DLGAP2: variants seen among roughly 807,000 people sequenced by gnomAD.
DLGAP2 encodes disks large-associated protein 2.
In DLGAP2, 26 loss-of-function variants were observed where a neutral mutation model predicts 100.3. That is an observed-to-expected ratio of 0.26 (90% confidence interval 0.19 to 0.36). DLGAP2 has a LOEUF of 0.36. Ranked by LOEUF, DLGAP2 falls within the 10% of genes least tolerant of loss-of-function variation. The pLI, the probability that DLGAP2 is intolerant of heterozygous loss-of-function variation, is 1.00. For synonymous variants in DLGAP2, 886 were observed against 630.1 expected (o/e 1.41, Z -6.08); for missense variants, 1,858 against 1,453.2 (o/e 1.28, Z -4.53).
rs535266973 is a variant in DLGAP2, at chr8:1,708,433, A to T, written c.*7027A>T. The T allele has an allele frequency of 6.6e-6, 1 of 152,256 alleles. No individual in the cohort carries two copies. The highest frequency in any genetic ancestry group is 2.4e-5 in the African/African-American group (1 of 41,462). The allele number at this position is 152,256 out of a possible 1,614,324, so 9.4% of individuals were successfully genotyped here. On this transcript the variant is annotated 3_prime_UTR_variant, in exon 15 of 15. Transcript: ENST00000637795. ...TTAATATGTATGCAAAATGGTATAG[A>T]TTAAATGAGTTTTTAATTAATAAAT...
chr8:1,106,648 G>A (rs938452095), intron 2 of DLGAP2, among the ~76,000 whole-genome samples: 5 of 150,458 alleles, frequency 3.3e-5, no homozygotes, highest in African/African-American at 9.7e-5. Flanking sequence ...ATTCTAGGAT[G>A]GTTTTCTATT....
rs576671805 is a variant in DLGAP2, at chr8:763,598, A to G, written c.18+25773A>G. Among the ~76,000 whole-genome samples the G allele has an allele frequency of 4.0e-3, 603 of 152,310 alleles. 1 individual carries two copies. The highest frequency in any genetic ancestry group is 0.014 in the African/African-American group (577 of 41,568). On this transcript the variant is annotated intron_variant, in intron 1 of 14. Coordinates refer to ENST00000637795, the MANE Select transcript of DLGAP2 (RefSeq NM_001346810.2). The stretch of plus-strand genomic sequence containing the variant: ...CAATTTATGATGGAAACACATGATG[A>G]GTGGCAGACGTTAGGCAGGTGAGCA...
intron 1 of DLGAP2, among the ~76,000 whole-genome samples, chr8:905,040 G>A (rs911693565): frequency 5.3e-5 from 8 of 152,168 alleles, no homozygotes; most frequent in Non-Finnish European, 1.0e-4. Context: ...CTGTGACTGT[G>A]GCGGGTAGAA....
At chr8:1,088,426 C>A (rs1804049345) in intron 2 of DLGAP2, among the ~76,000 whole-genome samples, 1 of 152,142 alleles carries the variant, frequency 6.6e-6, no homozygotes, top group Non-Finnish European at 1.5e-5. Flanking sequence ...TGATTTCCAT[C>A]TTCTATGGCA....
At chr8:744,006 C>G (rs1820551347) in intron 1 of DLGAP2, among the ~76,000 whole-genome samples, 1 of 152,254 alleles carries the variant, frequency 6.6e-6, no homozygotes, top group African/African-American at 2.4e-5. Flanking sequence ...TTTCACGTGC[C>G]TTCACGTTTC....
At chr8:918,146 G>A (rs140117557) in intron 2 of DLGAP2, among the ~76,000 whole-genome samples, 149 of 152,240 alleles carry the variant, frequency 9.8e-4, no homozygotes, top group Admixed American at 1.9e-3. Flanking sequence ...TCTCAACCTC[G>A]TCTGAATTCC....
intron 3 of DLGAP2, among the ~76,000 whole-genome samples, chr8:1,445,391 C>A (rs1037586924): frequency 6.6e-6 from 1 of 151,782 alleles, no homozygotes; most frequent in Non-Finnish European, 1.5e-5. Context: ...TTTCCAGTTT[C>A]ATCCATGTCC....
At chr8:1,043,592 A>G (rs1260620404) in intron 2 of DLGAP2, among the ~76,000 whole-genome samples, 3 of 151,862 alleles carry the variant, frequency 2.0e-5, no homozygotes, top group African/African-American at 7.3e-5. Flanking sequence ...GGTGAGTGAT[A>G]ACGAAAACTA....
rs1194440969 is a variant in DLGAP2, at chr8:1,683,854, A to ATGTGTG, written c.2704+5226_2704+5227insGTGTGT. Among the ~76,000 whole-genome samples the ATGTGTG allele has an allele frequency of 2.7e-5, 2 of 72,948 alleles. 1 individual carries two copies. The highest frequency in any genetic ancestry group is 3.0e-4 in the Admixed American group (2 of 6,696). The allele number at this position is 72,948 out of a possible 152,430, so 47.9% of individuals were successfully genotyped here. ...CTCCACTATATATATATATATATAT[A>ATGTGTG]TATGTGTGTGTGTGTGTGTGTGTGT... On this transcript the variant is annotated intron_variant, in intron 12 of 14. Coordinates refer to ENST00000637795, the MANE Select transcript of DLGAP2 (RefSeq NM_001346810.2).
intron 2 of DLGAP2, among the ~76,000 whole-genome samples, chr8:1,176,844 C>T (rs560960909): frequency 6.6e-6 from 1 of 152,238 alleles, no homozygotes; most frequent in African/African-American, 2.4e-5. Context: ...TGGCTTCTTT[C>T]CACCCTCTCA....
intron 4 of DLGAP2, among the ~76,000 whole-genome samples, chr8:1,507,884 G>A (rs1412609025): frequency 7.5e-6 from 1 of 133,602 alleles, no homozygotes; most frequent in Non-Finnish European, 1.5e-5. Flanking sequence ...CTTCAGCCTT[G>A]ACCTTCCTGC....
At chr8:966,635 C>G (rs983666310) in intron 2 of DLGAP2, among the ~76,000 whole-genome samples, 1 of 138,996 alleles carries the variant, frequency 7.2e-6, no homozygotes, top group Non-Finnish European at 1.6e-5. Context: ...CCTTCTTTTT[C>G]CCTCTAACAA....
At chr8:1,000,080 A>G (rs1584960475) in intron 2 of DLGAP2, among the ~76,000 whole-genome samples, 2 of 133,884 alleles carry the variant, frequency 1.5e-5, no homozygotes, top group African/African-American at 2.9e-5. Flanking sequence ...ATCCGGGTGG[A>G]GGTGGTTTTC....
At chr8:1,426,989 CTA>C (rs1252442520) in intron 3 of DLGAP2, among the ~76,000 whole-genome samples, 1 of 152,100 alleles carries the variant, frequency 6.6e-6, no homozygotes, top group African/African-American at 2.4e-5. Flanking sequence ...CAATTAAAAA[CTA>C]TGAGTGCTTA....
intron 3 of DLGAP2, among the ~76,000 whole-genome samples, chr8:1,278,375 C>A (rs573640743): frequency 6.6e-6 from 1 of 152,172 alleles, no homozygotes; most frequent in Non-Finnish European, 1.5e-5. Flanking sequence ...ATGTCATCGG[C>A]GCAGTCGTGA....
intron 1 of DLGAP2, among the ~76,000 whole-genome samples, chr8:828,667 A>T (rs550407754): frequency 9.9e-5 from 15 of 152,242 alleles, no homozygotes; most frequent in African/African-American, 3.6e-4. Context: ...AAAGACAGGC[A>T]TAGGAAATCA....
chr8:918,911 C>G (rs904994253), intron 2 of DLGAP2, among the ~76,000 whole-genome samples: 2 of 152,144 alleles, frequency 1.3e-5, no homozygotes, highest in Non-Finnish European at 2.9e-5. Flanking sequence ...GAAGACTGAG[C>G]TTTCAGTGCT....
intron 1 of DLGAP2, among the ~76,000 whole-genome samples, chr8:901,648 G>A (rs189800608): frequency 6.6e-6 from 1 of 152,294 alleles, no homozygotes; most frequent in East Asian, 1.9e-4. Context: ...AGTTGTGCAG[G>A]GAGGGTTTGG....
chr8:1,462,240 G>A lies in DLGAP2; in HGVS notation c.107-39126G>A, dbSNP rs1201694534. Among the ~76,000 whole-genome samples, 2 of 83,532 alleles carry A rather than the reference G, an allele frequency of 2.4e-5. 1 individual carries two copies. Among genetic ancestry groups the A allele is most frequent in the East Asian group, 2.7e-3 (2 of 746 alleles). The allele number at this position is 83,532 out of a possible 152,430, so 54.8% of individuals were successfully genotyped here. ...GGGAGAAGGGTGGCGTTCAGGTTGG[G>A]AGAAGGTGCTGCTGTCACAGGACTG... On this transcript the variant is annotated intron_variant, in intron 3 of 14. Coordinates refer to ENST00000637795, the MANE Select transcript of DLGAP2 (RefSeq NM_001346810.2).
Sources: gnomAD v4.1 joint callset for allele counts (sites outside exome capture counted in the v4.1 genomes callset) on GRCh38, gnomAD v4.1.1 for gene constraint, MANE v1.5 for transcripts, NCBI Gene and HGNC (gene_info 2026-07-23, HGNC 2026-07-21) for gene names.